C2orf49: variants seen among roughly 807,000 people sequenced by gnomAD.
The protein encoded by C2orf49 is tRNA splicing ligase complex subunit 2, also known as tRNA-splicing ligase complex subunit ASW.
C2orf49 carries 11 observed loss-of-function variants against 20.6 expected under a neutral mutation model. That is an observed-to-expected ratio of 0.53 (90% CI 0.34 to 0.88). The LOEUF (loss-of-function observed/expected upper bound fraction) is 0.88, where lower values mean the gene tolerates loss of function less well. Ranked by LOEUF, C2orf49 falls within the 40% of genes least tolerant of loss-of-function variation. The pLI, the probability that C2orf49 is intolerant of heterozygous loss-of-function variation, is 0.02. For synonymous variants in C2orf49, 134 were observed against 108.5 expected, an observed-to-expected ratio of 1.24 and a Z score of -1.46; for missense variants, 289 against 274.2, an observed-to-expected ratio of 1.05 and a Z score of -0.38.
At chr2:105,345,228 A>G in intron 3 of C2orf49, 87 bp from the exon 4 acceptor site, 3 of 1,184,452 alleles carry the variant, frequency 2.5e-6, no homozygotes, top group Non-Finnish European at 2.5e-6. Context: ...ATACATTAAT[A>G]GTAAACCTTG....
chr2:105,368,114 A>G, the C2orf49 span, among the ~76,000 whole-genome samples: 1 of 152,194 alleles, frequency 6.6e-6, no homozygotes, highest in South Asian at 2.1e-4. Flanking sequence ...TTTGGAGTCT[A>G]GGGACTGTAT....
chr2:105,371,799 ATTTG>A, the C2orf49 span, among the ~76,000 whole-genome samples: 3 of 152,158 alleles, frequency 2.0e-5, no homozygotes, highest in Non-Finnish European at 1.5e-5. Context: ...TAAGGGTTTA[ATTTG>A]TTTTTCAATT....
chr2:105,377,001 G>A, the C2orf49 span, among the ~76,000 whole-genome samples: 1 of 152,222 alleles, frequency 6.6e-6, no homozygotes, highest in African/African-American at 2.4e-5. Context: ...AAGAGTGGTT[G>A]CCAGGGGCTG....
Position 105,343,297 on chromosome 2 carries a change from G to C in C2orf49, c.642+74G>C, listed in dbSNP as rs867950003. 4.1e-6 allele frequency: 6 copies of C among 1,449,112 alleles called. No homozygotes were observed. The Middle Eastern group carries it at 1.1e-3, about 269-fold the overall frequency. The allele number at this position is 1,449,112 out of a possible 1,614,324, so 89.8% of individuals were successfully genotyped here. On this transcript the variant is annotated intron_variant, in intron 3 of 3. Transcript: ENST00000258457. ...TGAGCAGTCTGCCTCATGACGGGAG[G>C]TGGGTCGACTGTGCTACATTCTGTT...
chr2:105,364,851 G>A, the C2orf49 span, among the ~76,000 whole-genome samples: 1 of 152,220 alleles, frequency 6.6e-6, no homozygotes, highest in Non-Finnish European at 1.5e-5. Flanking sequence ...AGAATTCATA[G>A]CTGGTTAATG....
At chr2:105,355,531 C>A in the C2orf49 span, among the ~76,000 whole-genome samples, 2 of 150,978 alleles carry the variant, frequency 1.3e-5, no homozygotes, top group African/African-American at 4.8e-5. Flanking sequence ...ACAGAAACAT[C>A]AGGCAGTAGA....
chr2:105,377,867 T>C, the C2orf49 span: 4 of 362,382 alleles, frequency 1.1e-5, no homozygotes, highest in African/African-American at 6.4e-5. Context: ...TCTGGGAAGA[T>C]AGTTGCTTTT....
the C2orf49 span, among the ~76,000 whole-genome samples, chr2:105,380,033 T>G: frequency 6.6e-6 from 1 of 152,312 alleles, no homozygotes; most frequent in African/African-American, 2.4e-5. Context: ...GTTAATAAAT[T>G]CATGTCACTG....
intron 2 of C2orf49, among the ~76,000 whole-genome samples, chr2:105,340,454 G>A (rs1183983176): frequency 1.3e-5 from 2 of 152,164 alleles, no homozygotes; most frequent in Admixed American, 6.5e-5. Flanking sequence ...GCAATAGATG[G>A]CAGCAGCTTT....
At chr2:105,351,376 T>G (rs1324077828), downstream of C2orf49, among the ~76,000 whole-genome samples, 1 of 143,450 alleles carries the variant, frequency 7.0e-6, no homozygotes, top group Non-Finnish European at 1.5e-5. Flanking sequence ...CTGTGCTCTT[T>G]GGAACAAACT....
the C2orf49 span, chr2:105,375,430 G>C: frequency 6.6e-6 from 1 of 152,230 alleles, no homozygotes; most frequent in East Asian, 1.9e-4. Flanking sequence ...GAGAGGTCAG[G>C]AGTTCAAGAC....
rs1431773800 is a variant in C2orf49, at chr2:105,348,017, C to CTTTGTTCCTTCTTTTCCCTT, written c.*2648_*2667dup. 2 of 152,168 alleles carry CTTTGTTCCTTCTTTTCCCTT rather than the reference C, an allele frequency of 1.3e-5. No individual in the cohort carries two copies. The highest frequency in any genetic ancestry group is 2.9e-5 in the Non-Finnish European group (2 of 68,060). 9.4% of individuals were successfully genotyped at this position (152,168 alleles called of 1,614,324 possible). A position where few individuals can be genotyped will look rare whatever the true frequency, so the allele number is the denominator to read the frequency against. ...GGCATCCTTGTTTTTTCTTTTCCCT[C>CTTTGTTCCTTCTTTTCCCTT]TTTGTTCCTTCTTTTCCCTTTCTCC... On this transcript the variant is annotated 3_prime_UTR_variant, in exon 4 of 4. Coordinates refer to ENST00000258457, the MANE Select transcript of C2orf49 (RefSeq NM_024093.3).
At chr2:105,373,507 A>G in the C2orf49 span, 1 of 1,604,758 alleles carries the variant, frequency 6.2e-7, no homozygotes, top group Non-Finnish European at 8.5e-7. Flanking sequence ...AGGAACGTGC[A>G]CAAGGCTTGA....
At chr2:105,375,026 C>T in the C2orf49 span, among the ~76,000 whole-genome samples, 2 of 152,158 alleles carry the variant, frequency 1.3e-5, no homozygotes, top group Non-Finnish European at 2.9e-5. Flanking sequence ...TGGAGTTATG[C>T]TGAATGTAGG....
chr2:105,347,397 C>T lies in C2orf49; in HGVS notation c.*2026C>T, dbSNP rs374450451. 3 of 152,070 alleles carry T rather than the reference C, an allele frequency of 2.0e-5. No homozygotes were observed. The highest frequency in any genetic ancestry group is 2.1e-4 in the South Asian group (1 of 4,830). The allele number at this position is 152,070 out of a possible 1,614,324, so 9.4% of individuals were successfully genotyped here. On this transcript the variant is annotated 3_prime_UTR_variant, in exon 4 of 4. Transcript: ENST00000258457. Reference sequence around the variant, plus strand: ...AGTTGAGAGAGAGTTAGCCATTTGACGATTTTAAGTCAGTGGGAACTTATT... The same window carrying T: ...AGTTGAGAGAGAGTTAGCCATTTGATGATTTTAAGTCAGTGGGAACTTATT...
chr2:105,381,225 C>T, the C2orf49 span, among the ~76,000 whole-genome samples: 1 of 152,150 alleles, frequency 6.6e-6, no homozygotes, highest in Admixed American at 6.5e-5. Context: ...AAGATATTTT[C>T]TGCTTGAGAT....
rs1358275340 is a variant in C2orf49 at position 105,345,877 on chromosome 2, C to G, written c.*506C>G. On this transcript the variant is annotated 3_prime_UTR_variant, in exon 4 of 4. Coordinates refer to ENST00000258457, the MANE Select transcript of C2orf49 (RefSeq NM_024093.3). ...ATTCAGGAGGCTGAGACAGGAGAAT[C>G]GCTTGAACCTGAGAGGCGGAGGTTG... The G allele has an allele frequency of 6.5e-6, 1 of 152,718 alleles. No individual in the cohort carries two copies. Among genetic ancestry groups the G allele is most frequent in the Non-Finnish European group, 1.5e-5 (1 of 68,596 alleles). 9.5% of individuals were successfully genotyped at this position (152,718 alleles called of 1,614,324 possible).
chr2:105,344,336 C>T (rs1167482501), intron 3 of C2orf49, among the ~76,000 whole-genome samples: 1 of 152,060 alleles, frequency 6.6e-6, no homozygotes, highest in African/African-American at 2.4e-5. Flanking sequence ...AATAAAGCCA[C>T]ATCTCAAATA....
the C2orf49 span, among the ~76,000 whole-genome samples, chr2:105,354,659 T>TC: frequency 2.2e-3 from 255 of 115,978 alleles, 3 homozygotes; most frequent in Admixed American, 0.011. Context: ...ACAGCAAAAC[T>TC]CCATCTCAAA....
Sources: gnomAD v4.1 joint callset for allele counts (sites outside exome capture counted in the v4.1 genomes callset) on GRCh38, gnomAD v4.1.1 for gene constraint, MANE v1.5 for transcripts, NCBI Gene and HGNC (gene_info 2026-07-23, HGNC 2026-07-21) for gene names.